Variants in ZZZ3 observed in about 807,000 individuals in gnomAD.
ZZZ3 encodes ZZ-type zinc finger-containing protein 3.
ZZZ3 carries 22 observed loss-of-function variants against 95.2 expected under a neutral mutation model. The ratio of observed to expected loss-of-function variants is 0.23; its 90% CI spans 0.17 to 0.33. ZZZ3 has a LOEUF of 0.33. ZZZ3 is among the 10% of genes least tolerant of loss of function. The pLI, the probability that ZZZ3 is intolerant of heterozygous loss-of-function variation, is 1.00. For synonymous variants in ZZZ3, 335 were observed against 358.9 expected (o/e 0.93, Z 0.75); for missense variants, 885 against 1,066.5 (o/e 0.83, Z 2.37).
At chr1:77,575,873 ATTG>A (rs1168540663) in intron 12 of ZZZ3, among the ~76,000 whole-genome samples, 192 bp downstream of exon 12, 3 of 152,212 alleles carry the variant, frequency 2.0e-5, no homozygotes, top group Non-Finnish European at 4.4e-5. Flanking sequence ...CATGTTGATA[ATTG>A]TTAAGGTTCA....
At chr1:77,676,028 G>A (rs1440440188) in intron 1 of ZZZ3, among the ~76,000 whole-genome samples, 4 of 152,174 alleles carry the variant, frequency 2.6e-5, no homozygotes, top group African/African-American at 9.7e-5. Context: ...ATATCTTAGA[G>A]GTATATGATA....
intron 5 of ZZZ3, among the ~76,000 whole-genome samples, chr1:77,604,933 T>C (rs1177234581): frequency 6.6e-6 from 1 of 152,078 alleles, no homozygotes; most frequent in Admixed American, 6.5e-5. Context: ...AATGTTTCAC[T>C]TAGAAGATTT....
chr1:77,601,630 A>G (rs925437717), intron 5 of ZZZ3, among the ~76,000 whole-genome samples: 6 of 152,194 alleles, frequency 3.9e-5, no homozygotes, highest in Non-Finnish European at 8.8e-5. Context: ...CACTGGCAGT[A>G]GGCTTAGCTT....
chr1:77,639,405 T>C, intron 4 of ZZZ3, 44 bp downstream of exon 4: 1 of 1,427,914 alleles, frequency 7.0e-7, no homozygotes, highest in South Asian at 1.5e-5. Context: ...GAAGAAGAAG[T>C]CAAACTATAG....
chr1:77,624,067 C>T (rs1378177960), intron 5 of ZZZ3, among the ~76,000 whole-genome samples: 1 of 152,118 alleles, frequency 6.6e-6, no homozygotes, highest in Non-Finnish European at 1.5e-5. Context: ...TACAACATTC[C>T]TAAGCCTACT....
chr1:77,636,857 A>G (rs1010032722), intron 4 of ZZZ3, among the ~76,000 whole-genome samples: 11 of 152,178 alleles, frequency 7.2e-5, no homozygotes, highest in South Asian at 2.1e-4. Context: ...GGTTCTTTCC[A>G]TTTCTTCTGT....
chr1:77,596,413 G>A (rs1257615581), intron 5 of ZZZ3, among the ~76,000 whole-genome samples: 1 of 152,060 alleles, frequency 6.6e-6, no homozygotes, highest in Admixed American at 6.6e-5. Flanking sequence ...TCAGACTGGT[G>A]AGGTGAAACT....
chr1:77,593,547 G>T (rs549496455), intron 5 of ZZZ3, among the ~76,000 whole-genome samples: 211 of 152,238 alleles, frequency 1.4e-3, no homozygotes, highest in African/African-American at 4.5e-3. Context: ...TCAAAAGTAA[G>T]ATCATATTTA....
intron 5 of ZZZ3, chr1:77,614,937 T>G (rs1570510662): frequency 6.6e-6 from 1 of 150,984 alleles, no homozygotes; most frequent in Non-Finnish European, 1.5e-5. Flanking sequence ...GGGTCAGGAG[T>G]GGTAGGCTTT....
rs371690201 is a variant in ZZZ3, at chr1:77,594,921, C to CAAAAA, written c.1506-10271_1506-10267dup. Among the ~76,000 whole-genome samples the CAAAAA allele has an allele frequency of 8.1e-3, 656 of 80,662 alleles. 14 individuals carry two copies. Among genetic ancestry groups the CAAAAA allele is most frequent in the African/African-American group, 0.028 (611 of 21,510 alleles). The allele number at this position is 80,662 out of a possible 152,430, so 52.9% of individuals were successfully genotyped here. Reference sequence around the variant, plus strand: ...TGGTATGAACTTGCCTTGACAGGCCCAAAAAAAAAAAAAAAAAAAAAAAAT... The same window carrying CAAAAA: ...TGGTATGAACTTGCCTTGACAGGCCCAAAAAAAAAAAAAAAAAAAAAAAAAAAAAT... On this transcript the variant is annotated intron_variant, in intron 5 of 14. Transcript: ENST00000370801.
At chr1:77,567,179 A>T (rs1660906967) in intron 13 of ZZZ3, among the ~76,000 whole-genome samples, 1 of 152,214 alleles carries the variant, frequency 6.6e-6, no homozygotes, top group African/African-American at 2.4e-5. Flanking sequence ...TTATGGTCTC[A>T]TTATTACTTC....
chr1:77,652,940 G>A (rs114772647), intron 1 of ZZZ3, among the ~76,000 whole-genome samples: 49 of 152,306 alleles, frequency 3.2e-4, no homozygotes, highest in African/African-American at 1.2e-3. Context: ...CCAGCACTTT[G>A]AGGGGCCTAG....
At chr1:77,605,048 A>C (rs1329967232) in intron 5 of ZZZ3, among the ~76,000 whole-genome samples, 1 of 152,158 alleles carries the variant, frequency 6.6e-6, no homozygotes, top group Non-Finnish European at 1.5e-5. Flanking sequence ...CTATCTACCC[A>C]AAAAAACAGA....
chr1:77,662,986 TC>T (rs1670943224), intron 1 of ZZZ3, among the ~76,000 whole-genome samples: 1 of 152,058 alleles, frequency 6.6e-6, no homozygotes, highest in Non-Finnish European at 1.5e-5. Context: ...GCACCTGTAG[TC>T]CCACCTATTC....
At chr1:77,664,026 A>G (rs1284518425) in intron 1 of ZZZ3, among the ~76,000 whole-genome samples, 1 of 151,882 alleles carries the variant, frequency 6.6e-6, no homozygotes, top group African/African-American at 2.4e-5. Context: ...TTGGGATTAC[A>G]GGTGTGAGCC....
At position 77,577,910 on chromosome 1, in the gene ZZZ3, T is replaced by C. The variant is rs189565597; in HGVS notation, c.2178+864A>G. Among the ~76,000 whole-genome samples, 31 of 152,226 alleles carry C rather than the reference T, an allele frequency of 2.0e-4. 1 individual carries two copies. The highest frequency in any genetic ancestry group is 7.2e-4 in the African/African-American group (30 of 41,526). On this transcript the variant is annotated intron_variant, in intron 11 of 14. Transcript: ENST00000370801. ...CTGGGATTACAGGCGTGAGCCACCG[T>C]GCCCGGCCGAAACTGGCTACATTTT...
chr1:77,635,893 G>T (rs1297959478), intron 4 of ZZZ3, among the ~76,000 whole-genome samples: 1 of 151,880 alleles, frequency 6.6e-6, no homozygotes, highest in African/African-American at 2.4e-5. Context: ...GCAACAGAGC[G>T]AGACTCTGTC....
Position 77,578,783 on chromosome 1 carries a change from G to A in ZZZ3, c.2169C>T (p.Tyr723=). ...ATGTATTTTCTTTTACCTTTTTGGA[G>A]TATATATATAAGTTTGGTGTTCTGC... The part of the protein sequence containing the change: ...VPGRTPNLYI[Y]SKKSSTSRRQ... Residue 723 remains tyrosine, a synonymous_variant, in exon 11 of 15, where the codon TAC becomes TAT. Transcript: ENST00000370801. The A allele has an allele frequency of 2.0e-6, 3 of 1,524,956 alleles. No individual in the cohort carries two copies. Among genetic ancestry groups the A allele is most frequent in the Non-Finnish European group, 2.6e-6 (3 of 1,140,212 alleles). 94.5% of individuals were successfully genotyped at this position (1,524,956 alleles called of 1,614,324 possible).
At chr1:77,642,260 A>C (rs1668848497) in intron 1 of ZZZ3, among the ~76,000 whole-genome samples, 1 of 152,236 alleles carries the variant, frequency 6.6e-6, no homozygotes, top group South Asian at 2.1e-4. Flanking sequence ...ACACACTTAC[A>C]TTGATGACCA....
Sources: allele counts gnomAD v4.1 joint callset (sites outside exome capture counted in the v4.1 genomes callset), GRCh38; gene constraint gnomAD v4.1.1; transcripts MANE v1.5; gene names NCBI Gene and HGNC (gene_info 2026-07-23, HGNC 2026-07-21).